SUSD2: variants seen among roughly 807,000 people sequenced by gnomAD.
SUSD2 encodes sushi domain containing 2.
In SUSD2, 86 loss-of-function variants were observed where a neutral mutation model predicts 93.8. The ratio of observed to expected loss-of-function variants is 0.92; its 90% CI spans 0.77 to 1.10. SUSD2 has a LOEUF of 1.10. Among genes scored for constraint, SUSD2 ranks in the 50% least tolerant of loss-of-function variants. SUSD2 has a pLI of 0.00. For missense variants in SUSD2, 1,060 were observed against 1,137.0 expected (o/e 0.93, Z 0.97); for synonymous variants, 483 against 485.0 (o/e 1.00, Z 0.05).
rs1389950574 is a variant in SUSD2, at chr22:24,184,773, C to T, written c.615C>T (p.Pro205=). Reference sequence around the variant, plus strand: ...AGGCATCCTCTCCCTCAGGAATGCCCTACTCACAGGAGTGGACTGCAAAGT... The same window carrying T: ...AGGCATCCTCTCCCTCAGGAATGCCTTACTCACAGGAGTGGACTGCAAAGT... ...ELWGYEETGM[P]YSQEWTAKWS... is the part of the protein sequence containing the mutation. The change falls in exon 5 of 15, where the codon CCC becomes CCT. Residue 205 remains proline (P), a synonymous_variant. Transcript: ENST00000358321. 6.3e-7 allele frequency: 1 copy of T among 1,592,978 alleles called. No homozygotes were observed. Among genetic ancestry groups the T allele is most frequent in the South Asian group, 1.1e-5 (1 of 88,426 alleles).
chr22:24,186,011 C>T lies in SUSD2; in HGVS notation c.1340-5C>T. 6.2e-7 allele frequency: 1 copy of T among 1,604,718 alleles called. No homozygotes were observed. On this transcript the variant is annotated splice_polypyrimidine_tract_variant and splice_region_variant and intron_variant, in intron 8 of 14. Transcript: ENST00000358321. ...CCCCCACGTGACCCTCCACTCTCAC[C>T]CTAGCCTCCGCCTTCGGAGACCCAC...
chr22:24,185,909 A>G lies in SUSD2; in HGVS notation c.1319A>G (p.Asn440Ser), dbSNP rs775608609. Residue 440 changes from asparagine to serine, a missense_variant, in exon 8 of 15, where the codon AAC becomes AGC. Asn to Ser is a conservative substitution (Grantham distance 46). This residue lies in a region of SUSD2 where 973 missense variants were observed against 1,005.3 expected (regional missense o/e 0.97). Coordinates refer to ENST00000358321, the MANE Select transcript of SUSD2 (RefSeq NM_019601.4). ...CGGCGGCCCTCCAATGACTGCCGCA[A>G]CTACCGGCCCCCAAGACTGGGTGGG... ...MQRRPSNDCR[N>S]YRPPRLASAF... The G allele has an allele frequency of 2.5e-6, 4 of 1,572,744 alleles. No individual in the cohort carries two copies. The highest frequency in any genetic ancestry group is 2.3e-5 in the East Asian group (1 of 43,310).
At chr22:24,187,929 C>G (rs1206903419) in intron 12 of SUSD2, 30 bp from the exon 13 acceptor site, 3 of 1,610,710 alleles carry the variant, frequency 1.9e-6, no homozygotes, top group South Asian at 2.2e-5. Flanking sequence ...GCAGCTCAGG[C>G]CTGTTGTCTG....
chr22:24,183,493 A>G lies in SUSD2; in HGVS notation c.288-2A>G. On this transcript the variant is annotated splice_acceptor_variant, in intron 2 of 14. Transcript: ENST00000358321. LOFTEE classifies it high-confidence loss of function. Reference sequence around the variant, plus strand: ...CCCCTCCCACCACCACCACGCCCACAGGTTTAAGGACAGCATCCAGACCCT... The same window carrying G: ...CCCCTCCCACCACCACCACGCCCACGGGTTTAAGGACAGCATCCAGACCCT... 1 of 1,608,756 alleles carries G rather than the reference A, an allele frequency of 6.2e-7. No individual in the cohort carries two copies.
At chr22:24,181,688 C>A in intron 1 of SUSD2, 93 bp downstream of exon 1, 1 of 1,011,690 alleles carries the variant, frequency 9.9e-7, no homozygotes, top group Non-Finnish European at 1.4e-6. Context: ...AGCCTCTGTC[C>A]ATCTGTCAGG....
chr22:24,184,438 A>C, intron 4 of SUSD2, 135 bp downstream of exon 4: 1 of 971,508 alleles, frequency 1.0e-6, no homozygotes, highest in South Asian at 1.6e-5. Context: ...CCAGGCAGAG[A>C]TTGAGGATTC....
intron 6 of SUSD2, 37 bp from the exon 7 acceptor site, chr22:24,185,449 C>T (rs1010786524): frequency 1.0e-5 from 16 of 1,549,500 alleles, no homozygotes; most frequent in South Asian, 5.9e-5. Context: ...TGACAGAACC[C>T]GAGGCCACTG....
In SUSD2 at chr22:24,185,581, C is replaced by T; in HGVS notation, c.1070+10C>T. The T allele has an allele frequency of 6.3e-7, 1 of 1,595,002 alleles. No homozygotes were observed. The highest frequency in any genetic ancestry group is 8.5e-7 in the Non-Finnish European group (1 of 1,171,400). Reference sequence around the variant, plus strand: ...GTTCTGTGCAGGCCAGGTGAGCCCCCAGGCTGGGGCCGGTATGGGGATTGG... The same window carrying T: ...GTTCTGTGCAGGCCAGGTGAGCCCCTAGGCTGGGGCCGGTATGGGGATTGG... On this transcript the variant is annotated intron_variant, in intron 7 of 14. Transcript: ENST00000358321.
In SUSD2 at chr22:24,187,820, G is replaced by A. The variant is rs1236490592; in HGVS notation, c.2141G>A (p.Arg714His). 29 of 1,612,620 alleles carry A rather than the reference G, an allele frequency of 1.8e-5. No individual in the cohort carries two copies. Among genetic ancestry groups the A allele is most frequent in the East Asian group, 2.2e-5 (1 of 44,884 alleles). Residue 714 changes from arginine to histidine, a missense_variant, in exon 12 of 15, where the codon CGT becomes CAT. By Grantham distance (29) the Arg-to-His change is conservative. Around this residue, in one of 2 missense-constraint regions of SUSD2, gnomAD observed 973 missense variants for 1,005.3 expected, o/e 0.97. Coordinates refer to ENST00000358321, the MANE Select transcript of SUSD2 (RefSeq NM_019601.4). ...CGGGTGGCCCACCAGCTGCACCAGCGTCGCATGCAGAGCCTGCAGCCAGGT... is the reference window on the plus strand; with the variant it reads ...CGGGTGGCCCACCAGCTGCACCAGCATCGCATGCAGAGCCTGCAGCCAGGT... The part of the protein sequence containing the change: ...ATRVAHQLHQ[R>H]RMQSLQPVVS...
intron 7 of SUSD2, 31 bp from the exon 8 acceptor site, chr22:24,185,630 T>C (rs1220252206): frequency 2.5e-6 from 4 of 1,608,550 alleles, no homozygotes; most frequent in Non-Finnish European, 3.4e-6. Flanking sequence ...CTCCCAACAG[T>C]GGCCTGGCCC....
rs759605460 is a variant in SUSD2, at chr22:24,187,941, A to C, written c.2165-18A>C. 5.0e-6 allele frequency: 8 copies of C among 1,611,998 alleles called. No individual in the cohort carries two copies. In the Admixed American group the frequency reaches 8.3e-5, roughly 17 times the overall value. The stretch of plus-strand genomic sequence containing the variant: ...ATGGCAGCTCAGGCCTGTTGTCTGC[A>C]CTCTGTCCCCATCCCAGTGGTGTCC... On this transcript the variant is annotated intron_variant, in intron 12 of 14. Coordinates refer to ENST00000358321, the MANE Select transcript of SUSD2 (RefSeq NM_019601.4).
In SUSD2 at chr22:24,188,204, T is replaced by TCGCTCCCTCACC; in HGVS notation, c.2342-21_2342-20insCGCTCCCTCACC. ...TCACCACCCCAGAGAGCCCCCTCACTGACACTCGCTCCCTCACCAGGACGC... is the reference window on the plus strand; with the variant it reads ...TCACCACCCCAGAGAGCCCCCTCACTCGCTCCCTCACCGACACTCGCTCCCTCACCAGGACGC... On this transcript the variant is annotated intron_variant, in intron 13 of 14. Coordinates refer to ENST00000358321, the MANE Select transcript of SUSD2 (RefSeq NM_019601.4). The surrounding 1 kb of genome is among the most constrained non-coding windows in gnomAD (Gnocchi z 4.7). 1 of 1,589,770 alleles carries TCGCTCCCTCACC rather than the reference T, an allele frequency of 6.3e-7. No homozygotes were observed. Among genetic ancestry groups the TCGCTCCCTCACC allele is most frequent in the South Asian group, 1.1e-5 (1 of 88,270 alleles).
rs574240131 is a variant in SUSD2 at position 24,185,863 on chromosome 22, G to A, written c.1273G>A (p.Asp425Asn). ...CTATTACTGCTGCCTCTGGGCACCCGACTGCCCCCGCTACATGCAACGGCG... is the reference window on the plus strand; with the variant it reads ...CTATTACTGCTGCCTCTGGGCACCCAACTGCCCCCGCTACATGCAACGGCG... ...SFYYCCLWAP[D>N]CPRYMQRRPS... Residue 425 changes from aspartate (D) to asparagine (N), a missense_variant, in exon 8 of 15, where the codon GAC (aspartate) becomes AAC (asparagine). Physicochemically the swap from Asp to Asn is conservative, Grantham distance 23. Transcript: ENST00000358321. 18 of 1,597,016 alleles carry A rather than the reference G, an allele frequency of 1.1e-5. No homozygotes were observed. The highest frequency in any genetic ancestry group is 6.7e-5 in the African/African-American group (5 of 74,444).
chr22:24,187,187 C>T lies in SUSD2; in HGVS notation c.1643-15C>T, dbSNP rs764081882. 11 of 1,608,562 alleles carry T rather than the reference C, an allele frequency of 6.8e-6. No individual in the cohort carries two copies. Among genetic ancestry groups the T allele is most frequent in the Middle Eastern group, 3.4e-4 (2 of 5,820 alleles). On this transcript the variant is annotated splice_polypyrimidine_tract_variant and intron_variant, in intron 10 of 14. Coordinates refer to ENST00000358321, the MANE Select transcript of SUSD2 (RefSeq NM_019601.4). ...CTCACAGCGGGTGACCCTAATGCAT[C>T]CCCCTTGAGCCCAGGAATGTTCCTG...
Position 24,186,365 on chromosome 22 carries a change from T to C in SUSD2, c.1592T>C (p.Leu531Pro). ...AGGACCGGAGGTCTGGAGGTGCTGC[T>C]GAACCAGGAGGTGCTGAGCTTCACC... ...ANRTGGLEVL[L>P]NQEVLSFTEQ... The change falls in exon 10 of 15, where the codon CTG (leucine) becomes CCG (proline). Residue 531 changes from leucine (L) to proline (P), a missense_variant. Around this residue, in one of 2 missense-constraint regions of SUSD2, gnomAD observed 973 missense variants for 1,005.3 expected, o/e 0.97. Transcript: ENST00000358321. 6.2e-7 allele frequency: 1 copy of C among 1,613,854 alleles called. No homozygotes were observed. The highest frequency in any genetic ancestry group is 8.5e-7 in the Non-Finnish European group (1 of 1,180,030).
chr22:24,188,415 C>CA lies in SUSD2; in HGVS notation c.2448_2449insA (p.Val817SerfsTer14), dbSNP rs2047385628. 1 of 1,611,250 alleles carries CA rather than the reference C, an allele frequency of 6.2e-7. No homozygotes were observed. Among genetic ancestry groups the CA allele is most frequent in the Non-Finnish European group, 8.5e-7 (1 of 1,179,842 alleles). On this transcript the variant is annotated frameshift_variant, in exon 15 of 15. Coordinates refer to ENST00000358321, the MANE Select transcript of SUSD2 (RefSeq NM_019601.4). LOFTEE classifies it high-confidence loss of function. The surrounding 1 kb of genome is among the most constrained non-coding windows in gnomAD (Gnocchi z 4.7). Reference sequence around the variant, plus strand: ...TCTAACTGCGTTTCTGTTGCAGGCACGTCTGGGGTGCACAGCCCTGATGGG... The same window carrying CA: ...TCTAACTGCGTTTCTGTTGCAGGCACAGTCTGGGGTGCACAGCCCTGATGGG...
Position 24,186,000 on chromosome 22 carries a change from T to A in SUSD2, c.1340-16T>A. The stretch of plus-strand genomic sequence containing the variant: ...GCTGGGGTGCACCCCCACGTGACCC[T>A]CCACTCTCACCCTAGCCTCCGCCTT... On this transcript the variant is annotated splice_polypyrimidine_tract_variant and intron_variant, in intron 8 of 14. Coordinates refer to ENST00000358321, the MANE Select transcript of SUSD2 (RefSeq NM_019601.4). 6.3e-7 allele frequency: 1 copy of A among 1,597,392 alleles called. No individual in the cohort carries two copies. Among genetic ancestry groups the A allele is most frequent in the Non-Finnish European group, 8.5e-7 (1 of 1,169,858 alleles).
chr22:24,187,886 AC>A, intron 12 of SUSD2, 43 bp downstream of exon 12: 3 of 1,600,582 alleles, frequency 1.9e-6, no homozygotes, highest in Non-Finnish European at 8.5e-7. Context: ...CTGGGACAGG[AC>A]CCCCCGGGGT....
Position 24,188,265 on chromosome 22 carries a change from C to CACCAT in SUSD2, c.2382_2383insACCAT (p.Leu795ThrfsTer112). 6.2e-7 allele frequency: 1 copy of CACCAT among 1,604,762 alleles called. No homozygotes were observed. The highest frequency in any genetic ancestry group is 8.5e-7 in the Non-Finnish European group (1 of 1,174,972). On this transcript the variant is annotated frameshift_variant, in exon 14 of 15. Transcript: ENST00000358321. LOFTEE classifies it high-confidence loss of function. This position sits in a 1 kb window ranked among gnomAD's most constrained non-coding sequence, Gnocchi z 4.7. Reference sequence around the variant, plus strand: ...TGCTGTTGGGCATCATCTTTGGGGGCCTCGCGGTGGTGGCGGCGGTTGCGC... The same window carrying CACCAT: ...TGCTGTTGGGCATCATCTTTGGGGGCACCATCTCGCGGTGGTGGCGGCGGTTGCGC...
Sources: gnomAD v4.1 joint callset for allele counts on GRCh38, gnomAD v4.1.1 for gene constraint, gnomAD v4.1.1 regional missense constraint, Gnocchi (gnomAD v3.1) non-coding constraint, MANE v1.5 for transcripts, NCBI Gene and HGNC (gene_info 2026-07-23, HGNC 2026-07-21) for gene names.